Variants in CECR2 observed in about 807,000 individuals in gnomAD.
CECR2 encodes the protein CECR2 histone acetyl-lysine reader.
In CECR2, 30 loss-of-function variants were observed where a neutral mutation model predicts 154.5. The observed-to-expected ratio is 0.19, with a 90% CI of 0.15 to 0.26. CECR2 has a LOEUF of 0.26. Ranked by LOEUF, CECR2 falls within the 10% of genes least tolerant of loss-of-function variation. The probability of loss-of-function intolerance (pLI) is 1.00; values close to 1 mark genes in which losing one functional copy is unlikely to be tolerated. For synonymous variants in CECR2, 725 were observed against 683.7 expected, an observed-to-expected ratio of 1.06 and a Z score of -0.94; for missense variants, 1,743 against 1,829.3, an observed-to-expected ratio of 0.95 and a Z score of 0.86.
chr22:17,548,077 T>C, intron 16 of CECR2, 71 bp from the exon 17 acceptor site: 2 of 1,337,910 alleles, frequency 1.5e-6, no homozygotes, highest in South Asian at 3.0e-5. Flanking sequence ...GACTCAGGCA[T>C]GTTCTTCACA....
chr22:17,440,378 A>G (rs983186353), intron 1 of CECR2, among the ~76,000 whole-genome samples: 20 of 152,166 alleles, frequency 1.3e-4, no homozygotes, highest in African/African-American at 4.3e-4. Flanking sequence ...TACATTCCCA[A>G]TTACTTGGCC....
At chr22:17,421,051 T>A (rs186460653) in intron 1 of CECR2, among the ~76,000 whole-genome samples, 1 of 152,354 alleles carries the variant, frequency 6.6e-6, no homozygotes, top group East Asian at 1.9e-4. Flanking sequence ...TAGAATACAT[T>A]GTTGCCATTC....
At chr22:17,413,728 G>C (rs2146574862) in intron 1 of CECR2, among the ~76,000 whole-genome samples, 2 of 152,068 alleles carry the variant, frequency 1.3e-5, no homozygotes, top group African/African-American at 2.4e-5. Flanking sequence ...CCAGGCTGGA[G>C]TACAGTGGCG....
Position 17,540,514 on chromosome 22 carries a change from G to C in CECR2, c.1598G>C (p.Arg533Pro). The C allele has an allele frequency of 6.2e-7, 1 of 1,611,544 alleles. No individual in the cohort carries two copies. Among genetic ancestry groups the C allele is most frequent in the Non-Finnish European group, 8.5e-7 (1 of 1,178,518 alleles). Residue 533 changes from arginine (R) to proline (P), a missense_variant, in exon 14 of 19, where the codon CGA (arginine) becomes CCA (proline). Arg to Pro is a moderately radical substitution (Grantham distance 103). This residue lies in a region of CECR2 where 103 missense variants were observed against 166.8 expected (regional missense o/e 0.62). Transcript: ENST00000262608. ...GACACAGATGAAGAATTTTGGATTC[G>C]AGAGGATGAAAAGCGGGAGAAAAGA... ...DGDTDEEFWI[R>P]EDEKREKRRS...
chr22:17,407,178 G>C (rs2053996937), intron 1 of CECR2, among the ~76,000 whole-genome samples: 1 of 152,202 alleles, frequency 6.6e-6, no homozygotes, highest in African/African-American at 2.4e-5. Context: ...TGACTTTGAG[G>C]AGTTTGTTGT....
intron 1 of CECR2, among the ~76,000 whole-genome samples, chr22:17,373,217 C>T (rs971679369): frequency 2.0e-5 from 3 of 152,100 alleles, no homozygotes; most frequent in Non-Finnish European, 2.9e-5. Context: ...CATGTACCAG[C>T]ACACCCGGCT....
chr22:17,534,572 A>T (rs1030069821), intron 9 of CECR2, among the ~76,000 whole-genome samples: 1 of 151,592 alleles, frequency 6.6e-6, no homozygotes, highest in African/African-American at 2.4e-5. Context: ...CAGTGGCACA[A>T]TCTCAGCTCA....
chr22:17,533,764 T>G (rs1276817818), intron 9 of CECR2, among the ~76,000 whole-genome samples: 1 of 151,908 alleles, frequency 6.6e-6, no homozygotes, highest in Non-Finnish European at 1.5e-5. Flanking sequence ...TTGCCCAGGC[T>G]GGAGTGCAAT....
At chr22:17,423,842 G>T (rs2054293029) in intron 1 of CECR2, among the ~76,000 whole-genome samples, 2 of 152,172 alleles carry the variant, frequency 1.3e-5, no homozygotes, top group African/African-American at 4.8e-5. Flanking sequence ...AATCTGAGAA[G>T]ACTTGTTTCG....
intron 1 of CECR2, chr22:17,419,799 T>A (rs533172167): frequency 8.4e-5 from 24 of 285,288 alleles, no homozygotes; most frequent in Non-Finnish European, 1.5e-4. Context: ...GGTCAAAAAA[T>A]TTGGTGCTCA....
chr22:17,552,999 CT>C lies in CECR2; in HGVS notation c.*160del. The C allele has an allele frequency of 1.4e-6, 2 of 1,450,022 alleles. No individual in the cohort carries two copies. Among genetic ancestry groups the C allele is most frequent in the Non-Finnish European group, 9.1e-7 (1 of 1,103,902 alleles). The allele number at this position is 1,450,022 out of a possible 1,614,324, so 89.8% of individuals were successfully genotyped here. Reference sequence around the variant, plus strand: ...CTTGAGCTGGAGCCAGTCACGGGCCCTAAAAGGACACTCCTTAGATGACTGA... The same window carrying C: ...CTTGAGCTGGAGCCAGTCACGGGCCCAAAAGGACACTCCTTAGATGACTGA... On this transcript the variant is annotated 3_prime_UTR_variant, in exon 19 of 19. Transcript: ENST00000262608.
At chr22:17,455,877 AC>A (rs2054846485) in intron 1 of CECR2, among the ~76,000 whole-genome samples, 1 of 152,168 alleles carries the variant, frequency 6.6e-6, no homozygotes, top group African/African-American at 2.4e-5. Flanking sequence ...GGTGTGAGCC[AC>A]GGTGCCCAGC....
At chr22:17,527,890 A>G (rs1156300659) in intron 9 of CECR2, among the ~76,000 whole-genome samples, 2 of 152,226 alleles carry the variant, frequency 1.3e-5, no homozygotes, top group Non-Finnish European at 2.9e-5. Flanking sequence ...AATGGTTTAT[A>G]CCCAAAGGAC....
intron 1 of CECR2, among the ~76,000 whole-genome samples, chr22:17,401,586 T>C (rs2053892602): frequency 6.6e-6 from 1 of 151,564 alleles, no homozygotes; most frequent in Admixed American, 6.6e-5. Flanking sequence ...TTTGATGTTG[T>C]TCCTGTTCGT....
chr22:17,464,380 G>A (rs911759665), intron 1 of CECR2, among the ~76,000 whole-genome samples: 21 of 152,124 alleles, frequency 1.4e-4, no homozygotes, highest in African/African-American at 5.1e-4. Context: ...GACGAGTAGG[G>A]GTTTGACAGA....
At chr22:17,547,082 C>T (rs2056626260) in intron 16 of CECR2, among the ~76,000 whole-genome samples, 2 of 147,566 alleles carry the variant, frequency 1.4e-5, no homozygotes, top group Admixed American at 6.8e-5. Flanking sequence ...TAGATATATA[C>T]ACACACTTAC....
rs913424092 is a variant in CECR2 at position 17,520,898 on chromosome 22, C to A, written c.955-3220C>A. ...CTATTGTGAATAGCGCCGCAATAAA[C>A]ATACGTGTGCATGTGTCTTTATAGT... On this transcript the variant is annotated intron_variant, in intron 8 of 18. Coordinates refer to ENST00000262608, the MANE Select transcript of CECR2 (RefSeq NM_001290047.2). 5.3e-5 allele frequency among the ~76,000 whole-genome samples: 8 copies of A among 152,174 alleles called. No homozygotes were observed. The East Asian group carries it at 1.3e-3, about 26-fold the overall frequency.
intron 1 of CECR2, among the ~76,000 whole-genome samples, chr22:17,433,041 C>T (rs5747132): frequency 0.17 from 25,731 of 152,142 alleles, 2,474 homozygotes; most frequent in East Asian, 0.23. Flanking sequence ...ATCCCCACCT[C>T]GTGTGTTACA....
In CECR2 at chr22:17,385,375, C is replaced by T. The variant is rs562604168; in HGVS notation, c.126+15466C>T. On this transcript the variant is annotated intron_variant, in intron 1 of 18. Coordinates refer to ENST00000262608, the MANE Select transcript of CECR2 (RefSeq NM_001290047.2). ...TTAAAGTGAGAGACATGGTGCTCTTCCTTACACTTGAACACTTAAAGGCCA... is the reference window on the plus strand; with the variant it reads ...TTAAAGTGAGAGACATGGTGCTCTTTCTTACACTTGAACACTTAAAGGCCA... Among the ~76,000 whole-genome samples, 10 of 152,302 alleles carry T rather than the reference C, an allele frequency of 6.6e-5. 1 individual carries two copies. In the South Asian group the frequency reaches 2.1e-3, roughly 32 times the overall value.
Sources: gnomAD v4.1 joint callset for allele counts (sites outside exome capture counted in the v4.1 genomes callset) on GRCh38, gnomAD v4.1.1 for gene constraint, gnomAD v4.1.1 regional missense constraint, MANE v1.5 for transcripts, NCBI Gene and HGNC (gene_info 2026-07-23, HGNC 2026-07-21) for gene names.